Variants in TBC1D22B observed in about 807,000 individuals in gnomAD.
TBC1D22B encodes chromosome 6 open reading frame 197.
TBC1D22B carries 32 observed loss-of-function variants against 69.1 expected under a neutral mutation model. The observed-to-expected ratio is 0.46, with a 90% CI of 0.35 to 0.62. TBC1D22B has a LOEUF of 0.62. Among genes scored for constraint, TBC1D22B ranks in the 20% least tolerant of loss-of-function variants. The pLI, the probability that TBC1D22B is intolerant of heterozygous loss-of-function variation, is 0.00. For missense variants in TBC1D22B, 462 were observed against 630.9 expected, an observed-to-expected ratio of 0.73 and a Z score of 2.87; for synonymous variants, 206 against 229.8, an observed-to-expected ratio of 0.90 and a Z score of 0.94.
intron 1 of TBC1D22B, chr6:37,258,246 A>G: frequency 4.1e-6 from 2 of 484,072 alleles, no homozygotes; most frequent in Non-Finnish European, 3.7e-6. Context: ...CGTAAAGGGG[A>G]GTGGAGTTGG....
chr6:37,320,635 C>T (rs1163871830), intron 12 of TBC1D22B, among the ~76,000 whole-genome samples: 2 of 152,262 alleles, frequency 1.3e-5, no homozygotes, highest in South Asian at 4.1e-4. Context: ...TCAGAGTACA[C>T]AGGGGCAAAG....
intron 9 of TBC1D22B, among the ~76,000 whole-genome samples, chr6:37,313,432 G>A (rs748392393): frequency 5.9e-5 from 9 of 151,480 alleles, no homozygotes; most frequent in Non-Finnish European, 1.3e-4. Context: ...CAAAGCTGTA[G>A]TGAGCCATGA....
chr6:37,328,788 G>T (rs560441691), intron 12 of TBC1D22B, among the ~76,000 whole-genome samples: 1 of 151,974 alleles, frequency 6.6e-6, no homozygotes, highest in African/African-American at 2.4e-5. Context: ...GTGTAATGGC[G>T]TGATCTCGGC....
At chr6:37,270,620 A>G (rs958324516) in intron 2 of TBC1D22B, among the ~76,000 whole-genome samples, 1 of 152,134 alleles carries the variant, frequency 6.6e-6, no homozygotes. Context: ...TCTCTCATGG[A>G]CCATCACTGA....
At chr6:37,310,006 A>T (rs1450724165) in intron 8 of TBC1D22B, among the ~76,000 whole-genome samples, 1 of 147,374 alleles carries the variant, frequency 6.8e-6, no homozygotes, top group Non-Finnish European at 1.5e-5. Flanking sequence ...AACTGTTAAT[A>T]TATAAATATA....
chr6:37,310,377 A>G (rs1767868116), intron 8 of TBC1D22B, among the ~76,000 whole-genome samples: 1 of 152,110 alleles, frequency 6.6e-6, no homozygotes, highest in Non-Finnish European at 1.5e-5. Context: ...ATTTTTAAAT[A>G]TGATTTCTCG....
chr6:37,290,690 C>T (rs1767150293), intron 7 of TBC1D22B, among the ~76,000 whole-genome samples: 2 of 152,130 alleles, frequency 1.3e-5, no homozygotes, highest in Non-Finnish European at 2.9e-5. Context: ...GATATGTGAA[C>T]TGACTTCCTG....
intron 8 of TBC1D22B, among the ~76,000 whole-genome samples, chr6:37,308,904 T>G (rs1767817896): frequency 1.3e-5 from 2 of 148,888 alleles, no homozygotes; most frequent in Admixed American, 6.7e-5. Context: ...AGCCCAGGAG[T>G]TCAAGACCAG....
intron 12 of TBC1D22B, among the ~76,000 whole-genome samples, chr6:37,320,350 A>G (rs1768203407): frequency 6.6e-6 from 1 of 152,164 alleles, no homozygotes; most frequent in Non-Finnish European, 1.5e-5. Flanking sequence ...CCGTTTTCTT[A>G]TCTATAAATG....
chr6:37,329,328 C>T (rs929589466), intron 12 of TBC1D22B, among the ~76,000 whole-genome samples: 10 of 152,192 alleles, frequency 6.6e-5, no homozygotes, highest in African/African-American at 2.2e-4. Flanking sequence ...AGACCGGCTT[C>T]GCTTGTTTCA....
At chr6:37,317,850 A>AG (rs925815267) in intron 12 of TBC1D22B, among the ~76,000 whole-genome samples, 1 of 152,162 alleles carries the variant, frequency 6.6e-6, no homozygotes, top group African/African-American at 2.4e-5. Context: ...CAGCCAGTGC[A>AG]GGGGCCTCAG....
At chr6:37,285,373 G>A (rs911969559) in intron 6 of TBC1D22B, among the ~76,000 whole-genome samples, 1 of 137,980 alleles carries the variant, frequency 7.2e-6, no homozygotes. Context: ...CGTCCAGGCT[G>A]GAGTGCAGTG....
At chr6:37,260,096 G>A (rs948390817) in intron 1 of TBC1D22B, among the ~76,000 whole-genome samples, 6 of 152,156 alleles carry the variant, frequency 3.9e-5, no homozygotes, top group African/African-American at 1.4e-4. Context: ...TGTGCTTTTA[G>A]CAGTGAAGCC....
chr6:37,262,070 G>T (rs1251055394), intron 1 of TBC1D22B, among the ~76,000 whole-genome samples: 1 of 129,280 alleles, frequency 7.7e-6, no homozygotes. Flanking sequence ...TCCCTCTGTT[G>T]CCCAGGCTGG....
intron 2 of TBC1D22B, 41 bp from the exon 3 acceptor site, chr6:37,279,263 T>G: frequency 4.0e-6 from 6 of 1,515,288 alleles, no homozygotes; most frequent in Non-Finnish European, 5.4e-6. Context: ...TGGTCAGATG[T>G]GTCAGGCCAT....
chr6:37,296,671 T>TTC (rs1767386979), intron 8 of TBC1D22B, among the ~76,000 whole-genome samples: 1 of 152,050 alleles, frequency 6.6e-6, no homozygotes, highest in African/African-American at 2.4e-5. Context: ...CCTCTCTCCA[T>TTC]TCTCTACTCC....
intron 12 of TBC1D22B, 41 bp downstream of exon 12, chr6:37,317,247 T>A: frequency 6.5e-7 from 1 of 1,538,822 alleles, no homozygotes; most frequent in Non-Finnish European, 8.8e-7. Flanking sequence ...GAATGAACAT[T>A]AGAATGGGAG....
At chr6:37,310,235 A>G (rs1212010828) in intron 8 of TBC1D22B, among the ~76,000 whole-genome samples, 1 of 149,528 alleles carries the variant, frequency 6.7e-6, no homozygotes, top group Admixed American at 6.7e-5. Context: ...TACATATATA[A>G]AAAAACAAAA....
chr6:37,328,327 GA>G (rs201785858), intron 12 of TBC1D22B, among the ~76,000 whole-genome samples: 2,229 of 152,154 alleles, frequency 0.015, 55 homozygotes, highest in African/African-American at 0.051. Context: ...TAGATAGATA[GA>G]TAAAAATAAA....
Sources: allele counts gnomAD v4.1 joint callset (sites outside exome capture counted in the v4.1 genomes callset), GRCh38; gene constraint gnomAD v4.1.1; transcripts MANE v1.5; gene names NCBI Gene and HGNC (gene_info 2026-07-23, HGNC 2026-07-21).